The following FBXL7 variants were observed in gnomAD, a reference collection of about 807,000 sequenced individuals.
FBXL7 encodes the protein F-box/LRR-repeat protein 7.
Under a neutral mutation model 38.3 loss-of-function variants are expected in FBXL7, and 12 were observed. That is an observed-to-expected ratio of 0.31 (90% CI 0.20 to 0.51). FBXL7 has a LOEUF of 0.51. Ranked by LOEUF, FBXL7 falls within the 20% of genes least tolerant of loss-of-function variation. FBXL7 has a pLI of 0.98. For missense variants in FBXL7, 567 were observed against 676.4 expected (o/e 0.84, Z 1.79); for synonymous variants, 297 against 300.9 (o/e 0.99, Z 0.13).
chr5:15,883,673 T>A (rs1018458327), intron 2 of FBXL7, among the ~76,000 whole-genome samples: 2 of 152,198 alleles, frequency 1.3e-5, no homozygotes, highest in African/African-American at 4.8e-5. Flanking sequence ...CCAGTTTTAT[T>A]GATCACTCAG....
At chr5:15,828,747 G>T (rs1234616444) in intron 2 of FBXL7, among the ~76,000 whole-genome samples, 1 of 152,168 alleles carries the variant, frequency 6.6e-6, no homozygotes, top group Non-Finnish European at 1.5e-5. Context: ...GACTTGCCGT[G>T]TTACGTTGGA....
intron 1 of FBXL7, among the ~76,000 whole-genome samples, chr5:15,511,844 T>C (rs1561010525): frequency 6.6e-6 from 1 of 152,210 alleles, no homozygotes; most frequent in Non-Finnish European, 1.5e-5. Context: ...TGGGTCCTTA[T>C]TGGTCATCTC....
chr5:15,795,626 A>T (rs1737395458), intron 2 of FBXL7, among the ~76,000 whole-genome samples: 1 of 152,236 alleles, frequency 6.6e-6, no homozygotes, highest in Non-Finnish European at 1.5e-5. Context: ...GTTATCTGCC[A>T]ACTAATGATG....
intron 2 of FBXL7, among the ~76,000 whole-genome samples, chr5:15,831,934 C>T (rs1183712225): frequency 1.3e-5 from 2 of 152,048 alleles, no homozygotes; most frequent in Non-Finnish European, 2.9e-5. Flanking sequence ...CCCCTCAAGC[C>T]CTCTTCCAAG....
At chr5:15,904,475 G>GT (rs977818733) in intron 2 of FBXL7, among the ~76,000 whole-genome samples, 1 of 152,132 alleles carries the variant, frequency 6.6e-6, no homozygotes, top group African/African-American at 2.4e-5. Context: ...GTTGGAATGG[G>GT]TTGCTTCTAA....
At chr5:15,932,445 A>G (rs1036501314) in intron 3 of FBXL7, among the ~76,000 whole-genome samples, 3 of 152,214 alleles carry the variant, frequency 2.0e-5, no homozygotes, top group Non-Finnish European at 4.4e-5. Context: ...TATTTGTGAA[A>G]GCGGAATGAA....
At chr5:15,606,142 C>A (rs181875646) in intron 1 of FBXL7, among the ~76,000 whole-genome samples, 163 of 152,242 alleles carry the variant, frequency 1.1e-3, no homozygotes, top group African/African-American at 3.9e-3. Flanking sequence ...AAATATGCTA[C>A]CTCACTAGAG....
chr5:15,514,564 A>G (rs1045276749), intron 1 of FBXL7, among the ~76,000 whole-genome samples: 3 of 152,232 alleles, frequency 2.0e-5, no homozygotes, highest in African/African-American at 4.8e-5. Context: ...TCATACAGAT[A>G]GCAAGGCCTT....
At chr5:15,670,366 A>G (rs1742425800) in intron 2 of FBXL7, among the ~76,000 whole-genome samples, 1 of 152,124 alleles carries the variant, frequency 6.6e-6, no homozygotes, top group African/African-American at 2.4e-5. Flanking sequence ...TATGGTTTAC[A>G]TTTGTGTTTG....
At chr5:15,769,907 A>G (rs1292865695) in intron 2 of FBXL7, among the ~76,000 whole-genome samples, 1 of 152,244 alleles carries the variant, frequency 6.6e-6, no homozygotes, top group Non-Finnish European at 1.5e-5. Flanking sequence ...CGATTGTGCT[A>G]CCTTTGAAAC....
intron 2 of FBXL7, among the ~76,000 whole-genome samples, chr5:15,847,866 C>A (rs1738960624): frequency 6.6e-6 from 1 of 152,110 alleles, no homozygotes; most frequent in Admixed American, 6.5e-5. Context: ...CCGCAGTGGG[C>A]AGACAGCAAG....
At chr5:15,893,837 A>G (rs992717986) in intron 2 of FBXL7, among the ~76,000 whole-genome samples, 1 of 152,212 alleles carries the variant, frequency 6.6e-6, no homozygotes, top group African/African-American at 2.4e-5. Context: ...GAAGAGACAA[A>G]CTCAGGTTCA....
chr5:15,811,359 G>C (rs914303616), intron 2 of FBXL7, among the ~76,000 whole-genome samples: 2 of 152,134 alleles, frequency 1.3e-5, no homozygotes, highest in African/African-American at 2.4e-5. Context: ...TTCTTCTGAA[G>C]TGTCTTTCCT....
intron 1 of FBXL7, among the ~76,000 whole-genome samples, chr5:15,612,181 G>C (rs761114024): frequency 6.6e-6 from 1 of 151,826 alleles, no homozygotes; most frequent in African/African-American, 2.4e-5. Flanking sequence ...GAGATATACA[G>C]TATATCTGTA....
At chr5:15,538,845 GAGA>G (rs1737659142) in intron 1 of FBXL7, among the ~76,000 whole-genome samples, 1 of 152,124 alleles carries the variant, frequency 6.6e-6, no homozygotes, top group South Asian at 2.1e-4. Flanking sequence ...TGCTTATTTT[GAGA>G]TTTATACAAA....
At chr5:15,675,305 G>C (rs532379420) in intron 2 of FBXL7, among the ~76,000 whole-genome samples, 1 of 152,282 alleles carries the variant, frequency 6.6e-6, no homozygotes, top group East Asian at 1.9e-4. Context: ...GTAATGCAAG[G>C]TTTTGTCCTG....
At chr5:15,603,723 T>A (rs928271880) in intron 1 of FBXL7, among the ~76,000 whole-genome samples, 3 of 152,216 alleles carry the variant, frequency 2.0e-5, no homozygotes, top group Non-Finnish European at 4.4e-5. Context: ...ACATTCAGTG[T>A]AAAGAAAGTA....
intron 2 of FBXL7, among the ~76,000 whole-genome samples, chr5:15,775,510 C>A (rs909044424): frequency 1.3e-5 from 2 of 152,016 alleles, no homozygotes; most frequent in African/African-American, 2.4e-5. Flanking sequence ...ACTTTTGATA[C>A]CTGCCCATAT....
chr5:15,857,256 TA>T (rs1354022178), intron 2 of FBXL7, among the ~76,000 whole-genome samples: 1 of 152,186 alleles, frequency 6.6e-6, no homozygotes, highest in African/African-American at 2.4e-5. Context: ...ATTATAATAT[TA>T]ACTATGTAAA....
Sources: gnomAD v4.1 joint callset for allele counts (sites outside exome capture counted in the v4.1 genomes callset) on GRCh38, gnomAD v4.1.1 for gene constraint, MANE v1.5 for transcripts, NCBI Gene and HGNC (gene_info 2026-07-23, HGNC 2026-07-21) for gene names.